MTUS1: variants seen among roughly 807,000 people sequenced by gnomAD.
MTUS1 encodes the protein microtubule-associated tumor suppressor 1.
In MTUS1, 109 loss-of-function variants were observed where a neutral mutation model predicts 120.8. That is an observed-to-expected ratio of 0.90 (90% CI 0.77 to 1.06). The LOEUF (loss-of-function observed/expected upper bound fraction) is 1.06. Ranked by LOEUF, MTUS1 falls within the 50% of genes least tolerant of loss-of-function variation. MTUS1 has a pLI of 0.00. For missense variants in MTUS1, 2,210 were observed against 1,486.3 expected, an observed-to-expected ratio of 1.49 and a Z score of -8.01; for synonymous variants, 737 against 550.5, an observed-to-expected ratio of 1.34 and a Z score of -4.74.
intron 12 of MTUS1, among the ~76,000 whole-genome samples, chr8:17,651,027 T>C (rs908373513): frequency 1.3e-5 from 2 of 152,188 alleles, no homozygotes; most frequent in Admixed American, 6.5e-5. Context: ...AACCCCTTAC[T>C]TCACACAGAA....
chr8:17,723,581 G>C (rs752407306), intron 4 of MTUS1, 91 bp downstream of exon 4: 12 of 1,422,118 alleles, frequency 8.4e-6, no homozygotes, highest in East Asian at 4.6e-5. Flanking sequence ...TGAAACCCCA[G>C]AAACAAAAAT....
At chr8:17,694,384 G>C (rs1817546686) in intron 6 of MTUS1, among the ~76,000 whole-genome samples, 1 of 152,194 alleles carries the variant, frequency 6.6e-6, no homozygotes, top group Non-Finnish European at 1.5e-5. Context: ...GGTGAGGTTT[G>C]GCCAGACGTG....
intron 13 of MTUS1, among the ~76,000 whole-genome samples, chr8:17,649,402 G>T (rs1025716606): frequency 2.0e-5 from 3 of 152,146 alleles, no homozygotes; most frequent in African/African-American, 7.2e-5. Flanking sequence ...GCAAGATGAA[G>T]AATTTTGATA....
intron 1 of MTUS1, among the ~76,000 whole-genome samples, chr8:17,763,822 A>G (rs117464316): frequency 0.017 from 2,618 of 152,326 alleles, 33 homozygotes; most frequent in South Asian, 0.066. Context: ...CAGACAGCAG[A>G]ATGTGAGTGG....
chr8:17,746,778 A>G (rs1467206904), intron 2 of MTUS1, among the ~76,000 whole-genome samples: 1 of 152,242 alleles, frequency 6.6e-6, no homozygotes, highest in Non-Finnish European at 1.5e-5. Context: ...AAGTATATGT[A>G]TCAATTCACT....
At chr8:17,784,709 A>G (rs1275429116) in intron 1 of MTUS1, among the ~76,000 whole-genome samples, 4 of 152,160 alleles carry the variant, frequency 2.6e-5, no homozygotes, top group Admixed American at 6.5e-5. Context: ...TTCCGTGGCT[A>G]CAGAATGGGG....
At chr8:17,742,929 G>C (rs1034733596) in intron 3 of MTUS1, among the ~76,000 whole-genome samples, 1 of 152,118 alleles carries the variant, frequency 6.6e-6, no homozygotes, top group African/African-American at 2.4e-5. Context: ...TGGGTTCTTT[G>C]CAAGATGTTC....
intron 8 of MTUS1, among the ~76,000 whole-genome samples, chr8:17,662,433 G>C (rs527613765): frequency 7.1e-6 from 1 of 140,660 alleles, no homozygotes; most frequent in East Asian, 2.1e-4. Flanking sequence ...TCGGCTCACT[G>C]CAACCTCCAC....
At chr8:17,679,819 T>C (rs1474870688) in intron 7 of MTUS1, among the ~76,000 whole-genome samples, 9 of 152,236 alleles carry the variant, frequency 5.9e-5, no homozygotes, top group Admixed American at 3.3e-4. Context: ...TGTTTTATAA[T>C]AGTGCTCAGT....
At position 17,712,556 on chromosome 8, in the gene MTUS1, C is replaced by G. The variant is rs190701233; in HGVS notation, c.2623+658G>C. The stretch of plus-strand genomic sequence containing the variant: ...GTTTCACCATGTTGGCCAGGCTGGT[C>G]TTGAACTCCTGACCTCAAGTGATCC... On this transcript the variant is annotated intron_variant, in intron 6 of 14. Transcript: ENST00000693296. Among the ~76,000 whole-genome samples the G allele has an allele frequency of 1.8e-3, 276 of 152,218 alleles. 2 individuals carry two copies. The highest frequency in any genetic ancestry group is 0.015 in the Admixed American group (225 of 15,288).
chr8:17,785,021 G>T (rs180686248), intron 1 of MTUS1, among the ~76,000 whole-genome samples: 1 of 152,096 alleles, frequency 6.6e-6, no homozygotes, highest in Non-Finnish European at 1.5e-5. Context: ...CTGGCCTCAA[G>T]TGATCCACCT....
At chr8:17,757,964 T>TG (rs1261389872) in intron 1 of MTUS1, among the ~76,000 whole-genome samples, 1 of 152,180 alleles carries the variant, frequency 6.6e-6, no homozygotes, top group East Asian at 1.9e-4. Context: ...TATATTCTGA[T>TG]GGAAAGTGTA....
intron 4 of MTUS1, among the ~76,000 whole-genome samples, chr8:17,720,353 AAAAAAC>A (rs1306980646): frequency 1.3e-5 from 2 of 151,748 alleles, no homozygotes; most frequent in Non-Finnish European, 2.9e-5. Context: ...CTAAAAAAAA[AAAAAAC>A]AAAAAACAAA....
intron 6 of MTUS1, among the ~76,000 whole-genome samples, chr8:17,690,069 C>T (rs539489118): frequency 1.3e-5 from 2 of 152,174 alleles, no homozygotes; most frequent in African/African-American, 4.8e-5. Flanking sequence ...AAGAAACAGT[C>T]AACAGAGGAA....
chr8:17,719,533 G>C (rs572820969), intron 4 of MTUS1, among the ~76,000 whole-genome samples: 2 of 152,296 alleles, frequency 1.3e-5, no homozygotes, highest in East Asian at 1.9e-4. Flanking sequence ...TTTTTAAATA[G>C]TCCATTCAGA....
intron 2 of MTUS1, among the ~76,000 whole-genome samples, chr8:17,751,580 C>G (rs1035911914): frequency 4.0e-5 from 6 of 151,854 alleles, no homozygotes; most frequent in African/African-American, 1.5e-4. Context: ...AAAGAGTAGG[C>G]CGGGGGCAGT....
Position 17,655,983 on chromosome 8 carries a change from G to T in MTUS1, c.2988C>A (p.His996Gln). The T allele has an allele frequency of 6.2e-7, 1 of 1,614,170 alleles. No homozygotes were observed. Among genetic ancestry groups the T allele is most frequent in the Non-Finnish European group, 8.5e-7 (1 of 1,180,034 alleles). Reference sequence around the variant, plus strand: ...TCTCTCGTTCTGTTTTTTCAGCCTGGTGCTGCTGGACGAATGCTTCATACA... The same window carrying T: ...TCTCTCGTTCTGTTTTTTCAGCCTGTTGCTGCTGGACGAATGCTTCATACA... The part of the protein sequence containing the change: ...QTVYEAFVQQ[H>Q]QAEKTERENR... Residue 996 changes from histidine (H) to glutamine (Q), a missense_variant, in exon 9 of 15, where the codon CAC (histidine) becomes CAA (glutamine). Transcript: ENST00000693296.
chr8:17,741,922 C>T (rs531794392), intron 3 of MTUS1, among the ~76,000 whole-genome samples: 4 of 152,134 alleles, frequency 2.6e-5, no homozygotes, highest in Non-Finnish European at 5.9e-5. Flanking sequence ...CTTGCTCAGG[C>T]AGCGTATTGG....
At chr8:17,741,844 C>G (rs1563301211) in intron 3 of MTUS1, among the ~76,000 whole-genome samples, 1 of 152,172 alleles carries the variant, frequency 6.6e-6, no homozygotes, top group Non-Finnish European at 1.5e-5. Context: ...TAAAAGCTGA[C>G]AGGGTCTTAG....
Sources: allele counts gnomAD v4.1 joint callset (sites outside exome capture counted in the v4.1 genomes callset), GRCh38; gene constraint gnomAD v4.1.1; transcripts MANE v1.5; gene names NCBI Gene and HGNC (gene_info 2026-07-23, HGNC 2026-07-21).